Variants in ANKHD1 observed in about 807,000 individuals in gnomAD.
ANKHD1 encodes the protein ankyrin repeat and KH domain containing 1.
Under a neutral mutation model 230.5 loss-of-function variants are expected in ANKHD1, and 31 were observed. That is an observed-to-expected ratio of 0.13 (90% CI 0.10 to 0.18). The LOEUF (loss-of-function observed/expected upper bound fraction) is 0.18. Ranked by LOEUF, ANKHD1 falls within the 10% of genes least tolerant of loss-of-function variation. The pLI is 1.00. For synonymous variants in ANKHD1, 1,074 were observed against 1,117.6 expected, an observed-to-expected ratio of 0.96 and a Z score of 0.78; for missense variants, 2,256 against 3,071.3, an observed-to-expected ratio of 0.73 and a Z score of 6.27.
intron 9 of ANKHD1, among the ~76,000 whole-genome samples, chr5:140,464,273 A>G (rs1328758781): frequency 6.6e-6 from 1 of 151,986 alleles, no homozygotes; most frequent in African/African-American, 2.4e-5. Flanking sequence ...TCCCTTAACC[A>G]TGCCCAAAAT....
intron 24 of ANKHD1, among the ~76,000 whole-genome samples, chr5:140,515,844 G>GA (rs1295276757): frequency 6.6e-6 from 1 of 152,156 alleles, no homozygotes; most frequent in African/African-American, 2.4e-5. Context: ...AAAAGATGGG[G>GA]AAAAAACAGA....
chr5:140,427,673 G>A (rs1211754221), intron 1 of ANKHD1, among the ~76,000 whole-genome samples: 1 of 147,492 alleles, frequency 6.8e-6, no homozygotes, highest in African/African-American at 2.5e-5. Flanking sequence ...CCTCCCGGAC[G>A]GGGCGGCCGG....
Position 140,537,931 on chromosome 5 carries a change from GT to G in ANKHD1, c.7229-147del, listed in dbSNP as rs72312581. ...ACTTTACCTAGTTTTTCAGGAACTGGTTTTTTTTGGCTAGCAAGACTGTGAT... is the reference window on the plus strand; with the variant it reads ...ACTTTACCTAGTTTTTCAGGAACTGGTTTTTTTGGCTAGCAAGACTGTGAT... On this transcript the variant is annotated intron_variant, in intron 31 of 33. Coordinates refer to ENST00000360839, the MANE Select transcript of ANKHD1 (RefSeq NM_017747.3). 8.7e-3 allele frequency among the ~76,000 whole-genome samples: 1,327 copies of G among 151,962 alleles called. 23 individuals are homozygous for G. The highest frequency in any genetic ancestry group is 0.03 in the African/African-American group (1,243 of 41,460).
intron 1 of ANKHD1, among the ~76,000 whole-genome samples, chr5:140,433,729 CT>C (rs1486586472): frequency 6.6e-6 from 1 of 151,720 alleles, no homozygotes; most frequent in East Asian, 1.9e-4. Flanking sequence ...CTTAACTTGG[CT>C]TTTTAAAATG....
At chr5:140,536,412 A>G (rs931610226) in intron 30 of ANKHD1, among the ~76,000 whole-genome samples, 2 of 152,184 alleles carry the variant, frequency 1.3e-5, no homozygotes, top group African/African-American at 2.4e-5. Flanking sequence ...TATTTATTTC[A>G]ATGTTTAGAA....
chr5:140,457,760 G>T (rs1775323159), intron 7 of ANKHD1, among the ~76,000 whole-genome samples: 2 of 151,866 alleles, frequency 1.3e-5, no homozygotes, highest in Non-Finnish European at 2.9e-5. Context: ...TGTAAATGAG[G>T]AGTTAACGGA....
intron 29 of ANKHD1, among the ~76,000 whole-genome samples, chr5:140,531,147 G>T (rs910675822): frequency 1.3e-5 from 2 of 152,222 alleles, no homozygotes; most frequent in Non-Finnish European, 2.9e-5. Flanking sequence ...CCCAGGATGT[G>T]ATAGGAAGCA....
chr5:140,523,413 A>G (rs1032478102), intron 24 of ANKHD1, among the ~76,000 whole-genome samples: 25 of 151,238 alleles, frequency 1.7e-4, no homozygotes, highest in Non-Finnish European at 2.5e-4. Context: ...CAGCCTGCAT[A>G]TAACTTGATG....
intron 7 of ANKHD1, among the ~76,000 whole-genome samples, chr5:140,451,820 TTAAA>T (rs1774759370): frequency 6.6e-6 from 1 of 152,176 alleles, no homozygotes; most frequent in Non-Finnish European, 1.5e-5. Flanking sequence ...ATTTCTTTAA[TTAAA>T]TAACTACTAA....
chr5:140,412,286 TC>T (rs1237716452), intron 1 of ANKHD1, among the ~76,000 whole-genome samples: 1 of 152,000 alleles, frequency 6.6e-6, no homozygotes, highest in African/African-American at 2.4e-5. Flanking sequence ...TCTGCCCACC[TC>T]CCAAAGTGCT....
chr5:140,414,771 T>A (rs979149751), intron 1 of ANKHD1, among the ~76,000 whole-genome samples: 1 of 150,854 alleles, frequency 6.6e-6, no homozygotes, highest in Admixed American at 6.6e-5. Flanking sequence ...TGGTCGAGGC[T>A]GCAATAAGCT....
At chr5:140,434,492 A>G (rs1773292292) in intron 1 of ANKHD1, among the ~76,000 whole-genome samples, 2 of 150,392 alleles carry the variant, frequency 1.3e-5, no homozygotes, top group African/African-American at 4.9e-5. Context: ...ATATATGTAT[A>G]TGATATACAT....
Position 140,527,806 on chromosome 5 carries a change from C to G in ANKHD1, c.5088-67C>G. On this transcript the variant is annotated intron_variant, in intron 27 of 33. Transcript: ENST00000360839. This position sits in a 1 kb window ranked among gnomAD's most constrained non-coding sequence, Gnocchi z 4.5. ...TCCAAAATGTCCATGAACATACTTA[C>G]TAAGACATCTTTCTTAATAAAGAGA... 6.6e-7 allele frequency: 1 copy of G among 1,512,012 alleles called. No homozygotes were observed. The highest frequency in any genetic ancestry group is 8.9e-7 in the Non-Finnish European group (1 of 1,126,106). The allele number at this position is 1,512,012 out of a possible 1,614,324, so 93.7% of individuals were successfully genotyped here. A position where few individuals can be genotyped will look rare whatever the true frequency, so the allele number is the denominator to read the frequency against.
At chr5:140,493,976 C>A (rs1489584988) in intron 14 of ANKHD1, among the ~76,000 whole-genome samples, 7 of 152,162 alleles carry the variant, frequency 4.6e-5, no homozygotes, top group African/African-American at 1.7e-4. Flanking sequence ...TAGTGTTGAA[C>A]TCTTACCTAG....
chr5:140,412,817 T>C (rs1010911834), intron 1 of ANKHD1, among the ~76,000 whole-genome samples: 1 of 152,234 alleles, frequency 6.6e-6, no homozygotes, highest in Admixed American at 6.5e-5. Context: ...AGTTTACCTT[T>C]CTTCCTGCCA....
chr5:140,430,747 C>T (rs1772977151), intron 1 of ANKHD1, among the ~76,000 whole-genome samples: 2 of 151,172 alleles, frequency 1.3e-5, no homozygotes, highest in East Asian at 3.9e-4. Context: ...CAGCCTCAAC[C>T]TCCTGGGCTC....
At chr5:140,473,848 G>A (rs1272969502) in intron 10 of ANKHD1, among the ~76,000 whole-genome samples, 3 of 152,112 alleles carry the variant, frequency 2.0e-5, no homozygotes, top group Admixed American at 6.5e-5. Flanking sequence ...TTTCTCTCTA[G>A]CTGCAAGTCT....
chr5:140,503,571 T>C (rs1752409550), intron 15 of ANKHD1, among the ~76,000 whole-genome samples: 1 of 129,950 alleles, frequency 7.7e-6, no homozygotes, highest in Non-Finnish European at 1.6e-5. Flanking sequence ...TTTTTTTTTT[T>C]TTTTTTTTTT....
intron 6 of ANKHD1, among the ~76,000 whole-genome samples, chr5:140,446,920 T>G (rs1774325422): frequency 6.6e-6 from 1 of 152,112 alleles, no homozygotes; most frequent in Non-Finnish European, 1.5e-5. Flanking sequence ...ATTATCATTG[T>G]TTTTTTGAGA....
Sources: gnomAD v4.1 joint callset for allele counts (sites outside exome capture counted in the v4.1 genomes callset) on GRCh38, gnomAD v4.1.1 for gene constraint, Gnocchi (gnomAD v3.1) non-coding constraint, MANE v1.5 for transcripts, NCBI Gene and HGNC (gene_info 2026-07-23, HGNC 2026-07-21) for gene names.